Variants in SMIM3 observed in about 807,000 individuals in gnomAD.
SMIM3 encodes the protein NGF-induced differentiation clone 67 protein.
A neutral mutation model predicts 2.1 loss-of-function variants in SMIM3; 4 were observed. The observed-to-expected ratio is 1.89, with a 90% CI of 0.93 to 4.31. The LOEUF is 4.31. SMIM3 is among the 30% of genes most tolerant of loss of function. The probability of loss-of-function intolerance (pLI) is 0.01; values close to 1 mark genes in which losing one functional copy is unlikely to be tolerated. For missense variants in SMIM3, 79 were observed against 77.7 expected, an observed-to-expected ratio of 1.02 and a Z score of -0.06; for synonymous variants, 29 against 30.8, an observed-to-expected ratio of 0.94 and a Z score of 0.19.
chr5:150,792,840 C>A (rs1466003832), intron 1 of SMIM3, among the ~76,000 whole-genome samples: 1 of 152,180 alleles, frequency 6.6e-6, no homozygotes, highest in Non-Finnish European at 1.5e-5. Context: ...TTGCACCCAG[C>A]CTGAAGTTGA....
At chr5:150,790,220 G>A (rs1042247376) in intron 1 of SMIM3, among the ~76,000 whole-genome samples, 3 of 152,088 alleles carry the variant, frequency 2.0e-5, no homozygotes, top group Non-Finnish European at 4.4e-5. Flanking sequence ...GATGAGCCCC[G>A]AAGCCTGAGT....
At chr5:150,790,753 A>C (rs1753341626) in intron 1 of SMIM3, among the ~76,000 whole-genome samples, 1 of 152,114 alleles carries the variant, frequency 6.6e-6, no homozygotes, top group Non-Finnish European at 1.5e-5. Context: ...AATGGGAAAA[A>C]AGGGCTCCTC....
intron 1 of SMIM3, among the ~76,000 whole-genome samples, chr5:150,794,863 G>C (rs1753385941): frequency 1.3e-5 from 2 of 151,738 alleles, no homozygotes; most frequent in South Asian, 4.2e-4. Flanking sequence ...TAAGTTACTG[G>C]GGATGGAAAC....
chr5:150,779,585 G>T (rs1354929424), intron 1 of SMIM3, among the ~76,000 whole-genome samples: 2 of 152,192 alleles, frequency 1.3e-5, no homozygotes, highest in African/African-American at 4.8e-5. Context: ...AAGGACATGA[G>T]CAAAGTATCT....
intron 1 of SMIM3, among the ~76,000 whole-genome samples, chr5:150,781,168 C>T (rs985996065): frequency 4.6e-5 from 7 of 152,220 alleles, no homozygotes; most frequent in African/African-American, 1.7e-4. Context: ...AATTTGAACG[C>T]AGGCACCCTG....
At chr5:150,793,304 A>G (rs1753367494) in intron 1 of SMIM3, among the ~76,000 whole-genome samples, 1 of 152,196 alleles carries the variant, frequency 6.6e-6, no homozygotes, top group Non-Finnish European at 1.5e-5. Context: ...CATTCCTCAC[A>G]GAATTAGAAA....
At chr5:150,788,255 T>C (rs1344089615) in intron 1 of SMIM3, among the ~76,000 whole-genome samples, 1 of 152,064 alleles carries the variant, frequency 6.6e-6, no homozygotes, top group African/African-American at 2.4e-5. Flanking sequence ...GTCCCAGAAG[T>C]AAAATTTGAT....
In SMIM3 at chr5:150,786,954, G is replaced by A. The variant is rs143208736; in HGVS notation, c.-12+7982G>A. ...GAGATTCCTTAATTTAATTTCAGGA[G>A]CTATGATAATGCAAAGCTGAGTTGT... On this transcript the variant is annotated intron_variant, in intron 1 of 1. Coordinates refer to ENST00000526627, the MANE Select transcript of SMIM3 (RefSeq NM_032947.5). 4.5e-4 allele frequency among the ~76,000 whole-genome samples: 68 copies of A among 152,342 alleles called. No homozygotes were observed. The East Asian group carries it at 0.013, about 29-fold the overall frequency.
chr5:150,780,177 G>A (rs1202377526), intron 1 of SMIM3, among the ~76,000 whole-genome samples: 1 of 152,142 alleles, frequency 6.6e-6, no homozygotes, highest in Non-Finnish European at 1.5e-5. Context: ...CTGGGGGTTA[G>A]GAGACCCTCT....
At chr5:150,787,291 T>G (rs1355195844) in intron 1 of SMIM3, among the ~76,000 whole-genome samples, 4 of 152,240 alleles carry the variant, frequency 2.6e-5, no homozygotes, top group Non-Finnish European at 5.9e-5. Context: ...CATTAGCTCT[T>G]AGTGCCTTCC....
intron 1 of SMIM3, among the ~76,000 whole-genome samples, chr5:150,779,459 T>C (rs920908850): frequency 4.6e-5 from 7 of 152,164 alleles, no homozygotes; most frequent in South Asian, 2.1e-4. Flanking sequence ...CGCCAGGAGT[T>C]TGGAGTCAGG....
chr5:150,794,584 G>C (rs1353515568), intron 1 of SMIM3, among the ~76,000 whole-genome samples: 1 of 152,164 alleles, frequency 6.6e-6, no homozygotes, highest in Non-Finnish European at 1.5e-5. Context: ...ACCAAACATC[G>C]TATGTTCTCA....
intron 1 of SMIM3, among the ~76,000 whole-genome samples, chr5:150,781,480 A>C (rs1179938475): frequency 1.3e-5 from 2 of 152,250 alleles, no homozygotes; most frequent in Admixed American, 1.3e-4. Flanking sequence ...TTCCACGTCT[A>C]AACCATATAC....
chr5:150,795,422 T>G lies in SMIM3; in HGVS notation c.-11-8T>G. Reference sequence around the variant, plus strand: ...GCAACAGTGATCTTCCTTTCTTGTCTGTTGCAGAGTGAAGCAACATGGATG... The same window carrying G: ...GCAACAGTGATCTTCCTTTCTTGTCGGTTGCAGAGTGAAGCAACATGGATG... On this transcript the variant is annotated splice_polypyrimidine_tract_variant and splice_region_variant and intron_variant, in intron 1 of 1. Coordinates refer to ENST00000526627, the MANE Select transcript of SMIM3 (RefSeq NM_032947.5). The G allele has an allele frequency of 6.2e-7, 1 of 1,613,958 alleles. No individual in the cohort carries two copies. Among genetic ancestry groups the G allele is most frequent in the South Asian group, 1.1e-5 (1 of 91,074 alleles).
chr5:150,785,717 GGACTACA>G (rs1294741047), intron 1 of SMIM3, among the ~76,000 whole-genome samples: 1 of 151,332 alleles, frequency 6.6e-6, no homozygotes, highest in Non-Finnish European at 1.5e-5. Flanking sequence ...CAAGTAGCTG[GGACTACA>G]GACGTGTGCC....
At chr5:150,781,284 A>T (rs1013894231) in intron 1 of SMIM3, among the ~76,000 whole-genome samples, 1 of 152,242 alleles carries the variant, frequency 6.6e-6, no homozygotes, top group African/African-American at 2.4e-5. Flanking sequence ...TTAAGTGAGA[A>T]TTTGATAGTC....
In SMIM3 at chr5:150,796,198, CCT is replaced by C. The variant is rs1254900637; in HGVS notation, c.*576_*577del. On this transcript the variant is annotated 3_prime_UTR_variant, in exon 2 of 2. Coordinates refer to ENST00000526627, the MANE Select transcript of SMIM3 (RefSeq NM_032947.5). ...CCTTCTCCATTCCAGAATCTCTGCCCCTGTGTAATCTGAAGGAAGGCTGTGCC... is the reference window on the plus strand; with the variant it reads ...CCTTCTCCATTCCAGAATCTCTGCCCGTGTAATCTGAAGGAAGGCTGTGCC... 1 of 153,920 alleles carries C rather than the reference CCT, an allele frequency of 6.5e-6. No homozygotes were observed. The highest frequency in any genetic ancestry group is 1.5e-5 in the Non-Finnish European group (1 of 68,732). The allele number at this position is 153,920 out of a possible 1,614,324, so 9.5% of individuals were successfully genotyped here.
At chr5:150,785,644 G>T (rs1347903740) in intron 1 of SMIM3, among the ~76,000 whole-genome samples, 1 of 137,224 alleles carries the variant, frequency 7.3e-6, no homozygotes, top group Non-Finnish European at 1.5e-5. Context: ...GCGCAGTGGT[G>T]CCATCTTGGC....
At chr5:150,790,517 G>A (rs961194767) in intron 1 of SMIM3, among the ~76,000 whole-genome samples, 13 of 152,204 alleles carry the variant, frequency 8.5e-5, no homozygotes, top group African/African-American at 3.1e-4. Flanking sequence ...GGGCCAGCCT[G>A]TGCTTCTGTC....
Sources: allele counts gnomAD v4.1 joint callset (sites outside exome capture counted in the v4.1 genomes callset), GRCh38; gene constraint gnomAD v4.1.1; transcripts MANE v1.5; gene names NCBI Gene and HGNC (gene_info 2026-07-23, HGNC 2026-07-21).